The following PPP2CB variants were observed in gnomAD, a reference collection of about 807,000 sequenced individuals.
PPP2CB encodes protein phosphatase 2 catalytic subunit beta.
PPP2CB carries 18 observed loss-of-function variants against 39.1 expected under a neutral mutation model. That is an observed-to-expected ratio of 0.46 (90% CI 0.32 to 0.68). The LOEUF (loss-of-function observed/expected upper bound fraction) is 0.68, where lower values mean the gene tolerates loss of function less well. Ranked by LOEUF, PPP2CB falls within the 30% of genes least tolerant of loss-of-function variation. The pLI, the probability that PPP2CB is intolerant of heterozygous loss-of-function variation, is 0.04. For synonymous variants in PPP2CB, 129 were observed against 133.8 expected, an observed-to-expected ratio of 0.96 and a Z score of 0.25; for missense variants, 226 against 396.9, an observed-to-expected ratio of 0.57 and a Z score of 3.66.
chr8:30,799,705 A>G lies in PPP2CB; in HGVS notation c.153T>C (p.Pro51=). The change falls in exon 2 of 7, where the codon CCT becomes CCC. Residue 51 remains proline, a synonymous_variant. Coordinates refer to ENST00000221138, the MANE Select transcript of PPP2CB (RefSeq NM_001009552.2). ...CATGCACATCTCCACAGACAGTAAC[A>G]GGGCAACGAACCTCTTGCACATTTG... ...KESNVQEVRC[P]VTVCGDVHGQ... 1 of 1,614,146 alleles carries G rather than the reference A, an allele frequency of 6.2e-7. No homozygotes were observed. Among genetic ancestry groups the G allele is most frequent in the Non-Finnish European group, 8.5e-7 (1 of 1,179,984 alleles).
chr8:30,804,337 GGCCTTT>G (rs1806682993), intron 1 of PPP2CB, among the ~76,000 whole-genome samples: 1 of 152,174 alleles, frequency 6.6e-6, no homozygotes, highest in South Asian at 2.1e-4. Flanking sequence ...GGAGAGGTCT[GGCCTTT>G]GCCCCTGGAA....
intron 5 of PPP2CB, among the ~76,000 whole-genome samples, chr8:30,791,862 A>G (rs7005482): frequency 0.14 from 21,042 of 149,864 alleles, 1,541 homozygotes; most frequent in African/African-American, 0.21. Flanking sequence ...ACGTGTATAT[A>G]TGTATATATG....
chr8:30,808,552 A>T (rs937711992), intron 1 of PPP2CB, among the ~76,000 whole-genome samples: 3 of 152,238 alleles, frequency 2.0e-5, no homozygotes, highest in Non-Finnish European at 4.4e-5. Context: ...GATTAAAGAT[A>T]GTTTATATAA....
chr8:30,785,832 T>C lies in PPP2CB; in HGVS notation c.*403A>G. 1 of 324,982 alleles carries C rather than the reference T, an allele frequency of 3.1e-6. No individual in the cohort carries two copies. The highest frequency in any genetic ancestry group is 6.0e-6 in the Non-Finnish European group (1 of 166,556). 20.1% of individuals were successfully genotyped at this position (324,982 alleles called of 1,614,324 possible). Reference sequence around the variant, plus strand: ...TTCAATAAAATAAAGGATAATGGATTAGTGGAAGTTAGCTTGTGAATTTTT... The same window carrying C: ...TTCAATAAAATAAAGGATAATGGATCAGTGGAAGTTAGCTTGTGAATTTTT... On this transcript the variant is annotated 3_prime_UTR_variant, in exon 7 of 7. Transcript: ENST00000221138.
intron 3 of PPP2CB, 98 bp from the exon 4 acceptor site, chr8:30,794,379 C>T (rs1307973522): frequency 3.0e-6 from 3 of 1,007,890 alleles, no homozygotes; most frequent in African/African-American, 3.2e-5. Flanking sequence ...CCAAATAGTG[C>T]CAACATTTAA....
At chr8:30,786,612 ATAAT>A (rs973498883) in intron 6 of PPP2CB, 7 of 161,266 alleles carry the variant, frequency 4.3e-5, no homozygotes, top group East Asian at 3.4e-4. Context: ...TCAAGTTTAA[ATAAT>A]TAAACAATAA....
At chr8:30,797,810 G>A in intron 2 of PPP2CB, 56 bp from the exon 3 acceptor site, 1 of 1,548,964 alleles carries the variant, frequency 6.5e-7, no homozygotes, top group Non-Finnish European at 8.8e-7. Context: ...AGTGTCATGT[G>A]AAGTACACCA....
intron 1 of PPP2CB, among the ~76,000 whole-genome samples, chr8:30,811,214 TATTA>T (rs964118158): frequency 6.6e-6 from 1 of 152,210 alleles, no homozygotes; most frequent in African/African-American, 2.4e-5. Flanking sequence ...CCGCATGTTT[TATTA>T]TTCTTTGGAA....
intron 6 of PPP2CB, among the ~76,000 whole-genome samples, chr8:30,788,838 C>T (rs552700106): frequency 2.0e-4 from 31 of 152,286 alleles, no homozygotes; most frequent in African/African-American, 6.3e-4. Context: ...AGAGGTCACA[C>T]TTCCTTGTTC....
At position 30,811,803 on chromosome 8, in the gene PPP2CB, G is replaced by C. The variant is rs926042145; in HGVS notation, c.102+517C>G. On this transcript the variant is annotated intron_variant, in intron 1 of 6. Coordinates refer to ENST00000221138, the MANE Select transcript of PPP2CB (RefSeq NM_001009552.2). ...AGGCGTGAGCCACCACGCCCGGCTT[G>C]AGTTAGTGATTTCTGAGGTGCCCCG... Among the ~76,000 whole-genome samples the C allele has an allele frequency of 2.8e-4, 42 of 152,126 alleles. 1 individual carries two copies. Among genetic ancestry groups the C allele is most frequent in the African/African-American group, 1.0e-3 (42 of 41,512 alleles).
At chr8:30,794,996 G>A (rs1257375680) in intron 3 of PPP2CB, among the ~76,000 whole-genome samples, 2 of 151,964 alleles carry the variant, frequency 1.3e-5, no homozygotes, top group African/African-American at 4.8e-5. Flanking sequence ...AAAATAAAAT[G>A]GAATAATACA....
chr8:30,806,193 G>A (rs1290606504), intron 1 of PPP2CB, among the ~76,000 whole-genome samples: 2 of 151,354 alleles, frequency 1.3e-5, no homozygotes, highest in Non-Finnish European at 2.9e-5. Context: ...GCCTACAGGC[G>A]CCTGCCACCA....
At chr8:30,801,205 C>T (rs1035781957) in intron 1 of PPP2CB, among the ~76,000 whole-genome samples, 2 of 148,794 alleles carry the variant, frequency 1.3e-5, no homozygotes, top group Non-Finnish European at 3.0e-5. Flanking sequence ...GAGAGTGAGA[C>T]AAAAGAAAAA....
At chr8:30,789,204 A>T (rs528278472) in intron 6 of PPP2CB, among the ~76,000 whole-genome samples, 1 of 152,088 alleles carries the variant, frequency 6.6e-6, no homozygotes, top group South Asian at 2.1e-4. Context: ...CTAATTTTGT[A>T]TTTTTAATAG....
Position 30,791,292 on chromosome 8 carries a change from C to G in PPP2CB, c.762G>C (p.Arg254=). Residue 254 remains arginine, a synonymous_variant, in exon 6 of 7, where the codon CGG becomes CGC. Coordinates refer to ENST00000221138, the MANE Select transcript of PPP2CB (RefSeq NM_001009552.2). ...GTGCACTGAAAATGGTAACCACATT[C>G]CGATCATGACACCAATTGTATCCCT... ...VMEGYNWCHD[R]NVVTIFSAPN... 6.2e-7 allele frequency: 1 copy of G among 1,610,776 alleles called. No individual in the cohort carries two copies. The highest frequency in any genetic ancestry group is 8.5e-7 in the Non-Finnish European group (1 of 1,178,622).
intron 5 of PPP2CB, chr8:30,791,572 A>G: frequency 3.5e-6 from 1 of 282,812 alleles, no homozygotes; most frequent in Non-Finnish European, 6.5e-6. Context: ...CTTGGCAAGG[A>G]TGTGTACTGA....
chr8:30,794,483 T>C (rs1806487379), intron 3 of PPP2CB: 1 of 493,908 alleles, frequency 2.0e-6, no homozygotes, highest in Non-Finnish European at 3.5e-6. Context: ...CTTTTTTTTT[T>C]TTTCCCCTCC....
At chr8:30,788,881 TG>T (rs1806385363) in intron 6 of PPP2CB, among the ~76,000 whole-genome samples, 1 of 152,180 alleles carries the variant, frequency 6.6e-6, no homozygotes, top group South Asian at 2.1e-4. Flanking sequence ...GTTGAAAAAT[TG>T]GACATTATAG....
At chr8:30,809,933 TC>T (rs11319734) in intron 1 of PPP2CB, 58,034 of 144,536 alleles carry the variant, frequency 0.4, 14,068 homozygotes, top group African/African-American at 0.7. Flanking sequence ...CAAGACTGCG[TC>T]CCCCCCCCGC....
Sources: gnomAD v4.1 joint callset for allele counts (sites outside exome capture counted in the v4.1 genomes callset) on GRCh38, gnomAD v4.1.1 for gene constraint, MANE v1.5 for transcripts, NCBI Gene and HGNC (gene_info 2026-07-23, HGNC 2026-07-21) for gene names.